GINS1: variants seen among roughly 807,000 people sequenced by gnomAD.
The protein encoded by GINS1 is DNA replication complex GINS protein PSF1.
GINS1 carries 26 observed loss-of-function variants against 34.9 expected under a neutral mutation model. That is an observed-to-expected ratio of 0.74 (90% confidence interval 0.55 to 1.03). The LOEUF (loss-of-function observed/expected upper bound fraction) is 1.03. GINS1 is among the 50% of genes least tolerant of loss of function. GINS1 has a pLI of 0.00. For missense variants in GINS1, 235 were observed against 237.9 expected (o/e 0.99, Z 0.08); for synonymous variants, 97 against 84.4 (o/e 1.15, Z -0.82).
intron 2 of GINS1, 84 bp downstream of exon 2, chr20:25,413,938 T>A: frequency 1.3e-6 from 1 of 788,276 alleles, no homozygotes; most frequent in Non-Finnish European, 2.3e-6. Context: ...ACGCCTGTAA[T>A]CCCAGCACTT....
intron 3 of GINS1, 135 bp downstream of exon 3, chr20:25,417,337 A>T: frequency 1.7e-6 from 1 of 600,818 alleles, no homozygotes. Context: ...CTGTGTTTTC[A>T]TTTTTTTAAT....
At chr20:25,443,893 G>T (rs2090496309) in intron 6 of GINS1, among the ~76,000 whole-genome samples, 1 of 151,930 alleles carries the variant, frequency 6.6e-6, no homozygotes, top group South Asian at 2.1e-4. Context: ...TGGTATTAGG[G>T]GCTTCTAATG....
intron 3 of GINS1, 138 bp from the exon 4 acceptor site, chr20:25,417,967 T>C (rs2090331733): frequency 8.9e-6 from 6 of 675,668 alleles, no homozygotes; most frequent in South Asian, 8.5e-5. Context: ...AGGTCGACTC[T>C]CAGACTGTGT....
At position 25,445,942 on chromosome 20, in the gene GINS1, A is replaced by C; in HGVS notation, c.542A>C (p.Lys181Thr). 6.2e-7 allele frequency: 1 copy of C among 1,610,040 alleles called. No individual in the cohort carries two copies. The change falls in exon 7 of 7, where the codon AAA becomes ACA. Residue 181 changes from lysine to threonine, a missense_variant. Transcript: ENST00000262460. ...KNSQHFLPRW[K>T]CEQLIRQGVL... ...CCTCAGCACTTTTTACCTCGATGGA[A>C]ATGTGAGCAGCTGATCAGACAAGGA...
At chr20:25,410,622 G>T (rs1238193963) in intron 1 of GINS1, among the ~76,000 whole-genome samples, 1 of 152,008 alleles carries the variant, frequency 6.6e-6, no homozygotes, top group Admixed American at 6.6e-5. Flanking sequence ...GAGTGCAATG[G>T]TGTGATCTCG....
chr20:25,427,108 A>G (rs751055087), intron 5 of GINS1, among the ~76,000 whole-genome samples: 5 of 152,144 alleles, frequency 3.3e-5, no homozygotes, highest in Non-Finnish European at 7.3e-5. Context: ...TTACATTCCA[A>G]CATTACGCAA....
chr20:25,430,871 G>A (rs951364003), intron 5 of GINS1, among the ~76,000 whole-genome samples: 14 of 152,222 alleles, frequency 9.2e-5, no homozygotes, highest in African/African-American at 2.9e-4. Flanking sequence ...AGGGACATTG[G>A]TCTATAGTTT....
At chr20:25,426,176 A>G (rs1472401630) in intron 5 of GINS1, among the ~76,000 whole-genome samples, 1 of 152,212 alleles carries the variant, frequency 6.6e-6, no homozygotes, top group Non-Finnish European at 1.5e-5. Flanking sequence ...AGAAGCTACA[A>G]ATGACAAGTT....
At chr20:25,420,057 G>T (rs1030767401) in intron 4 of GINS1, among the ~76,000 whole-genome samples, 6 of 152,080 alleles carry the variant, frequency 3.9e-5, no homozygotes, top group Non-Finnish European at 7.4e-5. Flanking sequence ...TGTAAGGGTG[G>T]CACTTTTCTG....
In GINS1 at chr20:25,421,854, C is replaced by T. The variant is rs1214376579; in HGVS notation, c.331-3357C>T. On this transcript the variant is annotated intron_variant, in intron 4 of 6. Coordinates refer to ENST00000262460, the MANE Select transcript of GINS1 (RefSeq NM_021067.5). Reference sequence around the variant, plus strand: ...CATCTTCTCTTTGGGGTCTGTTACACTCTTCTCAGTGGAGACAAAGTAGAA... The same window carrying T: ...CATCTTCTCTTTGGGGTCTGTTACATTCTTCTCAGTGGAGACAAAGTAGAA... Among the ~76,000 whole-genome samples, 4 of 152,258 alleles carry T rather than the reference C, an allele frequency of 2.6e-5. No individual in the cohort carries two copies. The South Asian group carries it at 8.3e-4, about 32-fold the overall frequency.
chr20:25,421,796 T>C (rs987426496), intron 4 of GINS1, among the ~76,000 whole-genome samples: 9 of 152,196 alleles, frequency 5.9e-5, no homozygotes, highest in African/African-American at 1.9e-4. Flanking sequence ...AACACCCTCA[T>C]TGTCAAAACA....
intron 6 of GINS1, 140 bp from the exon 7 acceptor site, chr20:25,445,783 C>T (rs1324653991): frequency 8.1e-6 from 5 of 614,136 alleles, no homozygotes; most frequent in African/African-American, 7.4e-5. Context: ...GTACCCAGCC[C>T]CTTAAGTTTA....
chr20:25,437,935 A>G (rs2090462479), intron 5 of GINS1, among the ~76,000 whole-genome samples: 1 of 152,046 alleles, frequency 6.6e-6, no homozygotes, highest in Admixed American at 6.6e-5. Context: ...CCTGGCCAAC[A>G]TGGTGAAACC....
chr20:25,418,261 A>G (rs1330294431), intron 4 of GINS1, 66 bp downstream of exon 4: 1 of 930,672 alleles, frequency 1.1e-6, no homozygotes, highest in Non-Finnish European at 1.8e-6. Context: ...GTTCTATAAT[A>G]GTGTTTATTG....
chr20:25,424,396 C>T (rs1007278254), intron 4 of GINS1, among the ~76,000 whole-genome samples: 1 of 152,144 alleles, frequency 6.6e-6, no homozygotes, highest in African/African-American at 2.4e-5. Flanking sequence ...ATTGAATCAT[C>T]CAATCTGTGA....
chr20:25,420,196 C>T (rs2090346414), intron 4 of GINS1, among the ~76,000 whole-genome samples: 2 of 152,036 alleles, frequency 1.3e-5, no homozygotes, highest in East Asian at 1.9e-4. Context: ...TGCAGTGGCA[C>T]GATCTTGGCT....
At position 25,446,618 on chromosome 20, in the gene GINS1, A is replaced by C. The variant is rs2090514002; in HGVS notation, c.*627A>C. On this transcript the variant is annotated 3_prime_UTR_variant, in exon 7 of 7. Coordinates refer to ENST00000262460, the MANE Select transcript of GINS1 (RefSeq NM_021067.5). ...TATATATAATGTTTAATGACATACT[A>C]ATTTATCATCTGGCTATTTGGGAAG... is the stretch of plus-strand genomic sequence containing the variant. The C allele has an allele frequency of 6.6e-6, 1 of 152,348 alleles. No individual in the cohort carries two copies. The highest frequency in any genetic ancestry group is 2.1e-4 in the South Asian group (1 of 4,826). The allele number at this position is 152,348 out of a possible 1,614,324, so 9.4% of individuals were successfully genotyped here.
At chr20:25,419,623 G>A in intron 4 of GINS1, 1 of 846,202 alleles carries the variant, frequency 1.2e-6, no homozygotes, top group Non-Finnish European at 1.5e-6. Context: ...TCTAACGACA[G>A]TAGCTTTAAT....
chr20:25,413,586 T>A (rs1568797247), intron 1 of GINS1: 7 of 557,190 alleles, frequency 1.3e-5, no homozygotes, highest in Non-Finnish European at 1.6e-5. Context: ...GCTATACCGT[T>A]TTACATTCCC....
Sources: gnomAD v4.1 joint callset for allele counts (sites outside exome capture counted in the v4.1 genomes callset) on GRCh38, gnomAD v4.1.1 for gene constraint, MANE v1.5 for transcripts, NCBI Gene and HGNC (gene_info 2026-07-23, HGNC 2026-07-21) for gene names.